The following RABGAP1L variants were observed in gnomAD, a reference collection of about 807,000 sequenced individuals.
RABGAP1L encodes the protein RAB GTPase activating protein 1 like.
A neutral mutation model predicts 137.7 loss-of-function variants in RABGAP1L; 63 were observed. That is an observed-to-expected ratio of 0.46 (90% CI 0.37 to 0.56). RABGAP1L has a LOEUF of 0.56. Ranked by LOEUF, RABGAP1L falls within the 20% of genes least tolerant of loss-of-function variation. The pLI is 0.00. For missense variants in RABGAP1L, 1,095 were observed against 1,244.0 expected, an observed-to-expected ratio of 0.88 and a Z score of 1.80; for synonymous variants, 431 against 433.7, an observed-to-expected ratio of 0.99 and a Z score of 0.08.
chr1:174,883,742 A>C (rs917451610), intron 19 of RABGAP1L, among the ~76,000 whole-genome samples: 2 of 152,220 alleles, frequency 1.3e-5, no homozygotes, highest in Admixed American at 6.5e-5. Context: ...AGAGCAATGC[A>C]AGTAAAAAGA....
At chr1:174,651,579 C>G (rs965428931) in intron 14 of RABGAP1L, among the ~76,000 whole-genome samples, 3 of 152,112 alleles carry the variant, frequency 2.0e-5, no homozygotes, top group African/African-American at 4.8e-5. Context: ...GATCCCTTTA[C>G]CATTATGTAA....
chr1:174,663,385 A>C (rs1396584039), intron 14 of RABGAP1L, among the ~76,000 whole-genome samples: 2 of 152,228 alleles, frequency 1.3e-5, no homozygotes, highest in African/African-American at 4.8e-5. Flanking sequence ...CCATAAGACT[A>C]AATAGTATAT....
intron 1 of RABGAP1L, among the ~76,000 whole-genome samples, chr1:174,180,004 A>G (rs1281644237): frequency 6.6e-6 from 1 of 152,240 alleles, no homozygotes. Context: ...CATTTTTTAA[A>G]TAACTTCATT....
rs1382684962 is a variant in RABGAP1L at position 174,448,798 on chromosome 1, T to A, written c.1710+54653T>A. The stretch of plus-strand genomic sequence containing the variant: ...TCACTTACTTCCACATTTTCAAAAT[T>A]TGCCGTCAGCACACCAAAGAGATAA... On this transcript the variant is annotated intron_variant, in intron 13 of 25. Coordinates refer to ENST00000681986, the MANE Select transcript of RABGAP1L (RefSeq NM_001366446.1). The surrounding 1 kb of genome is among the most constrained non-coding windows in gnomAD (Gnocchi z 4.2). 1.2e-6 allele frequency: 2 copies of A among 1,613,962 alleles called. No homozygotes were observed. The highest frequency in any genetic ancestry group is 1.7e-6 in the Non-Finnish European group (2 of 1,179,992).
chr1:174,677,730 C>T (rs112046741), intron 14 of RABGAP1L, among the ~76,000 whole-genome samples: 50 of 152,170 alleles, frequency 3.3e-4, no homozygotes, highest in Non-Finnish European at 3.7e-4. Flanking sequence ...GGGATGATGA[C>T]AGTTGGCAAG....
intron 11 of RABGAP1L, among the ~76,000 whole-genome samples, chr1:174,331,815 T>G (rs1247665714): frequency 1.3e-5 from 2 of 151,058 alleles, no homozygotes; most frequent in Non-Finnish European, 3.0e-5. Flanking sequence ...CTCCTAATGC[T>G]ATCCCTCCCC....
At chr1:174,600,731 G>C (rs1276034255) in intron 13 of RABGAP1L, among the ~76,000 whole-genome samples, 1 of 152,200 alleles carries the variant, frequency 6.6e-6, no homozygotes, top group Non-Finnish European at 1.5e-5. Flanking sequence ...GCTTTGCAGA[G>C]TACAGCCTCC....
At chr1:174,946,974 GTGTGTGTATATATA>G (rs1378904573) in intron 19 of RABGAP1L, among the ~76,000 whole-genome samples, 3 of 119,656 alleles carry the variant, frequency 2.5e-5, no homozygotes, top group African/African-American at 9.2e-5. Flanking sequence ...GTGTGTGTGT[GTGTGTGTATATATA>G]TGTATATATA....
At chr1:174,453,834 C>T (rs1446300237) in intron 13 of RABGAP1L, among the ~76,000 whole-genome samples, 1 of 151,950 alleles carries the variant, frequency 6.6e-6, no homozygotes, top group Non-Finnish European at 1.5e-5. Context: ...TAACTTTTTT[C>T]AATAGTAAAA....
rs188575808 is a variant in RABGAP1L, at chr1:174,760,312, G to T, written c.2211+7958G>T. ...TGATAAGCATAGTACCCAATAGGTG[G>T]TTTTTGGATCCTCACCCTCCTCCAC... On this transcript the variant is annotated intron_variant, in intron 18 of 25. Transcript: ENST00000681986. 1.5e-3 allele frequency among the ~76,000 whole-genome samples: 231 copies of T among 152,200 alleles called. 2 individuals are homozygous for T. Among genetic ancestry groups the T allele is most frequent in the Admixed American group, 0.014 (209 of 15,288 alleles).
chr1:174,854,715 CTTTTTT>C (rs71117584), intron 19 of RABGAP1L, among the ~76,000 whole-genome samples: 9 of 56,834 alleles, frequency 1.6e-4, no homozygotes, highest in East Asian at 3.0e-4. Context: ...AATATAAATG[CTTTTTT>C]TTTTTTTTTT....
chr1:174,394,225 A>G, intron 13 of RABGAP1L, 80 bp downstream of exon 13: 2 of 1,506,922 alleles, frequency 1.3e-6, no homozygotes. Flanking sequence ...CCCATAAGTC[A>G]TAAATGCTTT....
In RABGAP1L at chr1:174,632,309, C is replaced by G. The variant is rs1382010002; in HGVS notation, c.1711-5066C>G. 4.0e-5 allele frequency among the ~76,000 whole-genome samples: 6 copies of G among 149,814 alleles called. No individual in the cohort carries two copies. The East Asian group carries it at 1.2e-3, about 29-fold the overall frequency. On this transcript the variant is annotated intron_variant, in intron 13 of 25. Transcript: ENST00000681986. ...CCTTTGAGGGTAACCCGACCTTTCT[C>G]TCTGGCTGCCTTAACATTTTTTCCT...
At chr1:174,419,461 CT>C (rs1650998124) in intron 13 of RABGAP1L, among the ~76,000 whole-genome samples, 1 of 152,122 alleles carries the variant, frequency 6.6e-6, no homozygotes, top group Admixed American at 6.5e-5. Flanking sequence ...TTCTGGCTCA[CT>C]TTAGTTTTAA....
chr1:174,323,274 A>C (rs2148834170), intron 11 of RABGAP1L, among the ~76,000 whole-genome samples: 1 of 152,226 alleles, frequency 6.6e-6, no homozygotes, highest in East Asian at 1.9e-4. Context: ...ATTATATATA[A>C]GGAAGAAGAT....
intron 12 of RABGAP1L, among the ~76,000 whole-genome samples, chr1:174,386,627 C>T (rs1686806697): frequency 6.6e-6 from 1 of 152,028 alleles, no homozygotes; most frequent in Non-Finnish European, 1.5e-5. Flanking sequence ...CCTGCCTCAG[C>T]CTCCTGGGTA....
intron 19 of RABGAP1L, among the ~76,000 whole-genome samples, chr1:174,896,013 G>C (rs538763608): frequency 6.6e-6 from 1 of 152,152 alleles, no homozygotes; most frequent in Non-Finnish European, 1.5e-5. Flanking sequence ...TTGAGGAATC[G>C]CCTCATTGTC....
Position 174,499,680 on chromosome 1 carries a change from G to T in RABGAP1L, c.1710+105535G>T, listed in dbSNP as rs184606483. ...TATCTCAACGAATTATTGTGAAGAT[G>T]AAATGATAAGATGTTTAGCGCAGTG... On this transcript the variant is annotated intron_variant, in intron 13 of 25. Transcript: ENST00000681986. Among the ~76,000 whole-genome samples, 106 of 152,316 alleles carry T rather than the reference G, an allele frequency of 7.0e-4. 2 individuals carry two copies. The East Asian group carries it at 9.2e-3, about 13-fold the overall frequency.
In RABGAP1L at chr1:174,972,618, C is replaced by T. The variant is rs1360470411; in HGVS notation, c.2544+3231C>T. Among the ~76,000 whole-genome samples the T allele has an allele frequency of 4.6e-5, 7 of 151,968 alleles. No individual in the cohort carries two copies. In the East Asian group the frequency reaches 1.4e-3, roughly 29 times the overall value. ...CTGTAATCCTAGCACTTTGGGAGGC[C>T]GAGGCAGGTGGATTGCCTGAGCTTA... On this transcript the variant is annotated intron_variant, in intron 21 of 25. Transcript: ENST00000681986.
Sources: gnomAD v4.1 joint callset for allele counts (sites outside exome capture counted in the v4.1 genomes callset) on GRCh38, gnomAD v4.1.1 for gene constraint, Gnocchi (gnomAD v3.1) non-coding constraint, MANE v1.5 for transcripts, NCBI Gene and HGNC (gene_info 2026-07-23, HGNC 2026-07-21) for gene names.